TRPM1: variants seen among roughly 807,000 people sequenced by gnomAD.
TRPM1 encodes TRPM1-203 APA Isoform, Intron 10.
A neutral mutation model predicts 149.4 loss-of-function variants in TRPM1; 113 were observed. The observed-to-expected ratio is 0.76, with a 90% confidence interval of 0.65 to 0.88. The LOEUF (loss-of-function observed/expected upper bound fraction) is 0.88, where lower values mean the gene tolerates loss of function less well. TRPM1 is among the 40% of genes least tolerant of loss of function. The probability of loss-of-function intolerance (pLI) is 0.00; values close to 1 mark genes in which losing one functional copy is unlikely to be tolerated. For missense variants in TRPM1, 1,976 were observed against 2,038.7 expected (o/e 0.97, Z 0.59); for synonymous variants, 741 against 759.5 (o/e 0.98, Z 0.40).
intron 27 of TRPM1, among the ~76,000 whole-genome samples, chr15:31,024,806 T>C (rs1174060693): frequency 6.6e-6 from 1 of 152,268 alleles, no homozygotes; most frequent in Non-Finnish European, 1.5e-5. Flanking sequence ...AAATAATTTT[T>C]ATACCTTGAA....
rs1171596610 is a variant in TRPM1 at position 31,042,617 on chromosome 15, GGGA to G, written c.1795-377_1795-375del. ...GGAAGGTCTACAGTTTATTTCCTCA[GGGA>G]GGTCTTCAAATGTAGCAAAAATAAC... On this transcript the variant is annotated intron_variant, in intron 16 of 27. Transcript: ENST00000256552. 7.2e-5 allele frequency among the ~76,000 whole-genome samples: 11 copies of G among 152,328 alleles called. 1 individual carries two copies. Among genetic ancestry groups the G allele is most frequent in the Admixed American group, 7.2e-4 (11 of 15,298 alleles).
At chr15:31,031,303 C>T (rs892755667) in intron 22 of TRPM1, 146 bp from the exon 23 acceptor site, 16 of 843,138 alleles carry the variant, frequency 1.9e-5, no homozygotes, top group Non-Finnish European at 2.9e-5. Context: ...TCTTCCCATC[C>T]CTGGGAAGGC....
At chr15:31,113,188 C>G (rs957284958) in intron 1 of TRPM1, among the ~76,000 whole-genome samples, 1 of 152,174 alleles carries the variant, frequency 6.6e-6, no homozygotes, top group Non-Finnish European at 1.5e-5. Context: ...CCCACCTTCT[C>G]CAGCTGGTGA....
intron 1 of TRPM1, among the ~76,000 whole-genome samples, chr15:31,090,259 A>C (rs991183324): frequency 6.6e-6 from 1 of 151,976 alleles, no homozygotes; most frequent in East Asian, 1.9e-4. Flanking sequence ...CTCACCCTTC[A>C]ACCAGCTGCA....
chr15:31,119,574 TAGAG>T (rs1329930752), intron 1 of TRPM1, among the ~76,000 whole-genome samples: 8 of 152,168 alleles, frequency 5.3e-5, no homozygotes, highest in African/African-American at 1.9e-4. Flanking sequence ...TGAAGAGTGT[TAGAG>T]AAGAAATAAA....
intron 1 of TRPM1, among the ~76,000 whole-genome samples, chr15:31,089,987 T>G (rs921857939): frequency 2.0e-5 from 3 of 152,114 alleles, no homozygotes; most frequent in Non-Finnish European, 4.4e-5. Context: ...TGCTTAAAAT[T>G]TAAAACAAAT....
rs1396856362 is a variant in TRPM1, at chr15:31,066,170, G to C, written c.696C>G (p.Ile232Met). Residue 232 changes from isoleucine (I) to methionine (M), a missense_variant, in exon 7 of 28, where the codon ATC becomes ATG. Physicochemically the swap from Ile to Met is conservative, Grantham distance 10. Around this residue, in one of 3 missense-constraint regions of TRPM1, gnomAD observed 1,332 missense variants for 1,347.1 expected, o/e 0.99. Transcript: ENST00000256552. The stretch of plus-strand genomic sequence containing the variant: ...TGCCCAGGGTGCCATTGTCAGCCAG[G>C]ATGAAGTGGGTGTGGGAGTTGTTGA... ...SVLNNSHTHF[I>M]LADNGTLGKY... The C allele has an allele frequency of 1.9e-6, 3 of 1,614,192 alleles. No homozygotes were observed. Among genetic ancestry groups the C allele is most frequent in the Non-Finnish European group, 2.5e-6 (3 of 1,180,032 alleles).
intron 1 of TRPM1, among the ~76,000 whole-genome samples, chr15:31,150,433 CTTTTTT>C (rs35862690): frequency 9.0e-6 from 1 of 110,874 alleles, no homozygotes; most frequent in African/African-American, 3.6e-5. Context: ...TTTTCTTTTC[CTTTTTT>C]TTTTTTTTTT....
chr15:31,116,411 C>T (rs2141029670), intron 1 of TRPM1, among the ~76,000 whole-genome samples: 1 of 152,188 alleles, frequency 6.6e-6, no homozygotes, highest in East Asian at 1.9e-4. Context: ...AGTTTGAGAG[C>T]CGTCTGGCCA....
intron 16 of TRPM1, among the ~76,000 whole-genome samples, chr15:31,043,833 T>C (rs1240837958): frequency 6.6e-6 from 1 of 152,058 alleles, no homozygotes; most frequent in Non-Finnish European, 1.5e-5. Flanking sequence ...CTTTAAAAAC[T>C]GCCAGAGAGA....
intron 1 of TRPM1, among the ~76,000 whole-genome samples, chr15:31,098,901 G>A (rs928114781): frequency 6.6e-6 from 1 of 152,094 alleles, no homozygotes; most frequent in Admixed American, 6.5e-5. Flanking sequence ...CAGCGACAAG[G>A]TCTCAGCAGC....
At position 31,050,508 on chromosome 15, in the gene TRPM1, G is replaced by A; in HGVS notation, c.1338C>T (p.Thr446=). ...EKEKKPPMAT[T]KGGRGKGKGK... Reference sequence around the variant, plus strand: ...CTTTCCCTTTTCCTCTTCCTCCCTTGGTGGTGGCCATGGGTGGCTTCTTCT... The same window carrying A: ...CTTTCCCTTTTCCTCTTCCTCCCTTAGTGGTGGCCATGGGTGGCTTCTTCT... Residue 446 remains threonine (T), a synonymous_variant, in exon 12 of 28, where the codon ACC becomes ACT. Transcript: ENST00000256552. 6.2e-7 allele frequency: 1 copy of A among 1,613,890 alleles called. No individual in the cohort carries two copies. Among genetic ancestry groups the A allele is most frequent in the Non-Finnish European group, 8.5e-7 (1 of 1,179,994 alleles).
upstream of TRPM1, among the ~76,000 whole-genome samples, chr15:31,104,186 C>A (rs903510744): frequency 2.0e-5 from 3 of 152,132 alleles, no homozygotes; most frequent in African/African-American, 7.2e-5. Context: ...ATGGGGGAGC[C>A]ATGAGGACAC....
chr15:31,062,351 A>C (rs997428409), intron 9 of TRPM1, among the ~76,000 whole-genome samples: 1 of 152,178 alleles, frequency 6.6e-6, no homozygotes, highest in African/African-American at 2.4e-5. Context: ...GTGTGGTGTC[A>C]TGCCCCACTT....
intron 1 of TRPM1, among the ~76,000 whole-genome samples, chr15:31,130,306 A>G (rs2036000669): frequency 6.6e-6 from 1 of 152,214 alleles, no homozygotes; most frequent in Non-Finnish European, 1.5e-5. Flanking sequence ...AAGTGATGAC[A>G]GTGAAAGAGA....
intron 8 of TRPM1, 87 bp from the exon 9 acceptor site, chr15:31,062,789 G>C (rs768628853): frequency 6.8e-7 from 1 of 1,475,420 alleles, no homozygotes; most frequent in Non-Finnish European, 9.4e-7. Context: ...TTTGATTTGA[G>C]ACTTTGCTGT....
intron 27 of TRPM1, among the ~76,000 whole-genome samples, chr15:31,019,965 G>C (rs547164937): frequency 6.6e-6 from 1 of 152,104 alleles, no homozygotes; most frequent in Non-Finnish European, 1.5e-5. Flanking sequence ...CACTGCTCCC[G>C]GCCAAGACTC....
At chr15:31,048,629 T>G (rs533437716) in intron 13 of TRPM1, among the ~76,000 whole-genome samples, 2 of 152,090 alleles carry the variant, frequency 1.3e-5, no homozygotes, top group Non-Finnish European at 2.9e-5. Flanking sequence ...CTGGGCAACA[T>G]GTCGAAACCC....
chr15:31,089,461 C>T (rs2035156669), intron 1 of TRPM1, among the ~76,000 whole-genome samples: 1 of 152,216 alleles, frequency 6.6e-6, no homozygotes, highest in African/African-American at 2.4e-5. Context: ...CCATGGCCTG[C>T]TGACCTTAGT....
Sources: allele counts gnomAD v4.1 joint callset (sites outside exome capture counted in the v4.1 genomes callset), GRCh38; gene constraint gnomAD v4.1.1; regional missense constraint gnomAD v4.1.1; transcripts MANE v1.5; gene names NCBI Gene and HGNC (gene_info 2026-07-23, HGNC 2026-07-21).